LARGE1: variants seen among roughly 807,000 people sequenced by gnomAD.
The protein encoded by LARGE1 is LARGE xylosyl- and glucuronyltransferase 1.
Under a neutral mutation model 87.6 loss-of-function variants are expected in LARGE1, and 43 were observed. The observed-to-expected ratio is 0.49, with a 90% CI of 0.38 to 0.63. LARGE1 has a LOEUF of 0.63. LARGE1 is among the 30% of genes least tolerant of loss of function. LARGE1 has a pLI of 0.00. For synonymous variants in LARGE1, 434 were observed against 394.6 expected (o/e 1.10, Z -1.18); for missense variants, 802 against 1,000.2 (o/e 0.80, Z 2.67).
chr22:33,221,586 A>T (rs1403894248), intron 11 of LARGE1: 1 of 152,228 alleles, frequency 6.6e-6, no homozygotes, highest in Non-Finnish European at 1.5e-5. Flanking sequence ...CAGCTTTTAG[A>T]TGGATATCTC....
At chr22:33,459,433 C>T (rs1032131476) in intron 6 of LARGE1, among the ~76,000 whole-genome samples, 9 of 144,252 alleles carry the variant, frequency 6.2e-5, no homozygotes, top group Non-Finnish European at 1.3e-4. Flanking sequence ...AGCTCGCTCG[C>T]TCTCTCTCTT....
At position 33,352,633 on chromosome 22, in the gene LARGE1, C is replaced by T. The variant is rs563899748; in HGVS notation, c.1132-14832G>A. Among the ~76,000 whole-genome samples the T allele has an allele frequency of 5.9e-5, 9 of 152,134 alleles. No homozygotes were observed. In the East Asian group the frequency reaches 1.7e-3, roughly 29 times the overall value. ...AATTAGCCAGGTGTGGTAGCAGGCG[C>T]CTGTAATCCCAGCTACTTGGGAGAC... is the stretch of plus-strand genomic sequence containing the variant. On this transcript the variant is annotated intron_variant, in intron 9 of 14. Coordinates refer to ENST00000397394, the MANE Select transcript of LARGE1 (RefSeq NM_133642.5).
intron 5 of LARGE1, among the ~76,000 whole-genome samples, chr22:33,579,147 T>C (rs1368817633): frequency 6.6e-6 from 1 of 152,170 alleles, no homozygotes; most frequent in East Asian, 1.9e-4. Context: ...TTCCCAGGTG[T>C]TGTGGGAGGG....
intron 9 of LARGE1, among the ~76,000 whole-genome samples, chr22:33,364,117 C>T (rs890062803): frequency 1.6e-4 from 24 of 151,358 alleles, no homozygotes; most frequent in African/African-American, 5.6e-4. Flanking sequence ...TGCAGTGGCG[C>T]AATCTCGGCT....
At chr22:33,779,402 A>C (rs1376298420) in intron 1 of LARGE1, among the ~76,000 whole-genome samples, 2 of 142,970 alleles carry the variant, frequency 1.4e-5, no homozygotes, top group Non-Finnish European at 3.2e-5. Context: ...TACAGAGTGG[A>C]ACCAGGAAGT....
Position 33,384,016 on chromosome 22 carries a change from G to A in LARGE1, c.1005+176C>T, listed in dbSNP as rs73882212. 5.6e-3 allele frequency among the ~76,000 whole-genome samples: 854 copies of A among 152,356 alleles called. 12 individuals are homozygous for A. Among genetic ancestry groups the A allele is most frequent in the African/African-American group, 0.02 (824 of 41,580 alleles). Reference sequence around the variant, plus strand: ...TGAACAAATGAATGAACAAAGGGAAGGCACTAAGGAGTTGAGCTGTTGTCT... The same window carrying A: ...TGAACAAATGAATGAACAAAGGGAAAGCACTAAGGAGTTGAGCTGTTGTCT... On this transcript the variant is annotated intron_variant, in intron 8 of 14. Coordinates refer to ENST00000397394, the MANE Select transcript of LARGE1 (RefSeq NM_133642.5).
At chr22:33,791,978 C>CT (rs1019125033) in intron 1 of LARGE1, among the ~76,000 whole-genome samples, 3 of 152,198 alleles carry the variant, frequency 2.0e-5, no homozygotes, top group Non-Finnish European at 2.9e-5. Flanking sequence ...ACAGGGTAGG[C>CT]TTTTTTATTA....
intron 5 of LARGE1, among the ~76,000 whole-genome samples, chr22:33,567,398 T>C (rs903278193): frequency 9.9e-5 from 15 of 152,170 alleles, no homozygotes; most frequent in African/African-American, 3.4e-4. Flanking sequence ...TCTTATTCCA[T>C]GTATTTAGCT....
the LARGE1 span, among the ~76,000 whole-genome samples, chr22:33,150,459 C>T: frequency 6.6e-6 from 1 of 152,044 alleles, no homozygotes; most frequent in African/African-American, 2.4e-5. Flanking sequence ...TAGATTGGGC[C>T]CATCCTGAAA....
chr22:33,654,394 G>A (rs1006663760), intron 2 of LARGE1, among the ~76,000 whole-genome samples: 1 of 152,174 alleles, frequency 6.6e-6, no homozygotes, highest in African/African-American at 2.4e-5. Flanking sequence ...GATGTGCTCC[G>A]AGTCCCCTCT....
the LARGE1 span, among the ~76,000 whole-genome samples, chr22:33,151,413 C>T: frequency 6.6e-5 from 10 of 152,158 alleles, no homozygotes; most frequent in Admixed American, 3.9e-4. Context: ...AATTTTATTT[C>T]GTTTATTCTC....
chr22:33,894,909 C>T (rs536785825), intron 1 of LARGE1, among the ~76,000 whole-genome samples: 3 of 152,196 alleles, frequency 2.0e-5, no homozygotes, highest in East Asian at 1.9e-4. Context: ...GAGCCAGTCC[C>T]GGAAGAGCTT....
chr22:33,098,047 C>T, the LARGE1 span, among the ~76,000 whole-genome samples: 22,683 of 152,150 alleles, frequency 0.15, 2,143 homozygotes, highest in East Asian at 0.41. Flanking sequence ...TGGCTTACAC[C>T]TGCAATCCCA....
chr22:33,614,451 C>T (rs9619361), intron 4 of LARGE1, among the ~76,000 whole-genome samples: 1,578 of 152,244 alleles, frequency 0.01, 30 homozygotes, highest in African/African-American at 0.036. Flanking sequence ...CCCTTGCTCA[C>T]TGTACAATAT....
intron 6 of LARGE1, among the ~76,000 whole-genome samples, chr22:33,464,588 A>G (rs2068512209): frequency 1.3e-5 from 2 of 152,234 alleles, no homozygotes; most frequent in Admixed American, 1.3e-4. Context: ...TCAGAAATTC[A>G]ACCAGCCAAT....
chr22:33,453,886 C>T (rs2068034157), intron 6 of LARGE1, among the ~76,000 whole-genome samples: 1 of 152,200 alleles, frequency 6.6e-6, no homozygotes, highest in African/African-American at 2.4e-5. Context: ...CTACCAGAGG[C>T]TGTTTTATTT....
In LARGE1 at chr22:33,677,215, G is replaced by A. The variant is rs542159570; in HGVS notation, c.107-26547C>T. Among the ~76,000 whole-genome samples, 24 of 151,232 alleles carry A rather than the reference G, an allele frequency of 1.6e-4. 1 individual carries two copies. The highest frequency in any genetic ancestry group is 4.6e-4 in the African/African-American group (19 of 41,118). On this transcript the variant is annotated intron_variant, in intron 2 of 14. Coordinates refer to ENST00000397394, the MANE Select transcript of LARGE1 (RefSeq NM_133642.5). Reference sequence around the variant, plus strand: ...GAAACAATTCCTTAGTGAAAAAGACGGGGGAGGATAATAAAATGATTCTCA... The same window carrying A: ...GAAACAATTCCTTAGTGAAAAAGACAGGGGAGGATAATAAAATGATTCTCA...
intron 2 of LARGE1, among the ~76,000 whole-genome samples, chr22:33,678,045 G>A (rs538925754): frequency 5.6e-4 from 85 of 152,246 alleles, no homozygotes; most frequent in Admixed American, 1.6e-3. Flanking sequence ...ACAGATCAGA[G>A]GAACAGAAAC....
At chr22:33,330,934 T>C (rs1325638000) in intron 10 of LARGE1, among the ~76,000 whole-genome samples, 1 of 152,202 alleles carries the variant, frequency 6.6e-6, no homozygotes, top group Admixed American at 6.5e-5. Context: ...TGGGGATTGT[T>C]TGACTTAGAG....
Sources: gnomAD v4.1 joint callset for allele counts (sites outside exome capture counted in the v4.1 genomes callset) on GRCh38, gnomAD v4.1.1 for gene constraint, MANE v1.5 for transcripts, NCBI Gene and HGNC (gene_info 2026-07-23, HGNC 2026-07-21) for gene names.